Variants in SORCS2 observed in about 807,000 individuals in gnomAD.
SORCS2 encodes the protein sortilin related VPS10 domain containing receptor 2.
Under a neutral mutation model 141.6 loss-of-function variants are expected in SORCS2, and 100 were observed. That is an observed-to-expected ratio of 0.71 (90% CI 0.60 to 0.83). The LOEUF (loss-of-function observed/expected upper bound fraction) is 0.83. SORCS2 is among the 40% of genes least tolerant of loss of function. The probability of loss-of-function intolerance (pLI) is 0.00; values close to 1 mark genes in which losing one functional copy is unlikely to be tolerated. For missense variants in SORCS2, 1,646 were observed against 1,560.2 expected (o/e 1.05, Z -0.93); for synonymous variants, 789 against 676.9 (o/e 1.17, Z -2.57).
intron 3 of SORCS2, among the ~76,000 whole-genome samples, chr4:7,543,333 A>G (rs1004154414): frequency 6.6e-6 from 1 of 152,130 alleles, no homozygotes; most frequent in Admixed American, 6.5e-5. Context: ...TCATTCATTC[A>G]TCTATCCACT....
At chr4:7,381,037 G>A (rs912204259) in intron 1 of SORCS2, among the ~76,000 whole-genome samples, 117 of 142,442 alleles carry the variant, frequency 8.2e-4, no homozygotes, top group African/African-American at 3.0e-3. Context: ...AGCTGAGATT[G>A]CGCCACTGCA....
chr4:7,217,702 G>C (rs530477254), intron 1 of SORCS2, among the ~76,000 whole-genome samples: 3 of 152,310 alleles, frequency 2.0e-5, no homozygotes, highest in African/African-American at 7.2e-5. Flanking sequence ...TTATGTAGCT[G>C]TGTGTGGGGG....
At chr4:7,439,692 T>G (rs1401599065) in intron 2 of SORCS2, among the ~76,000 whole-genome samples, 1 of 152,216 alleles carries the variant, frequency 6.6e-6, no homozygotes, top group Non-Finnish European at 1.5e-5. Context: ...CGCTTGATGT[T>G]ATGAGATCCA....
intron 2 of SORCS2, chr4:7,434,423 G>A: frequency 6.2e-7 from 1 of 1,608,866 alleles, no homozygotes; most frequent in Non-Finnish European, 8.5e-7. Context: ...TCTTTGGAGA[G>A]TGGCCTCAGG....
chr4:7,688,669 G>C (rs1329367349), intron 10 of SORCS2, among the ~76,000 whole-genome samples: 2 of 152,234 alleles, frequency 1.3e-5, no homozygotes, highest in African/African-American at 4.8e-5. Context: ...ACCAGCCTGA[G>C]GATTGCGCTG....
At chr4:7,551,132 G>A (rs1489347625) in intron 3 of SORCS2, among the ~76,000 whole-genome samples, 2 of 152,242 alleles carry the variant, frequency 1.3e-5, no homozygotes, top group Non-Finnish European at 2.9e-5. Context: ...GGCAAAATAT[G>A]CTGGAGCTGT....
At chr4:7,196,791 T>G (rs1577263985) in intron 1 of SORCS2, among the ~76,000 whole-genome samples, 1 of 152,230 alleles carries the variant, frequency 6.6e-6, no homozygotes, top group African/African-American at 2.4e-5. Flanking sequence ...GATATTTGTG[T>G]ATATTTTATA....
chr4:7,199,365 G>T (rs1329586388), intron 1 of SORCS2, among the ~76,000 whole-genome samples: 21 of 152,180 alleles, frequency 1.4e-4, no homozygotes, highest in Non-Finnish European at 2.9e-5. Context: ...CCTGGGGAGG[G>T]GGTCACATGG....
intron 1 of SORCS2, among the ~76,000 whole-genome samples, chr4:7,379,176 G>A (rs574998213): frequency 3.9e-5 from 6 of 152,170 alleles, no homozygotes; most frequent in Non-Finnish European, 7.3e-5. Context: ...CCAGCTCTCC[G>A]TGTGGGCCTG....
intron 3 of SORCS2, among the ~76,000 whole-genome samples, chr4:7,622,928 C>T (rs953959688): frequency 2.6e-5 from 4 of 152,222 alleles, no homozygotes; most frequent in African/African-American, 9.6e-5. Flanking sequence ...GCTCATGATG[C>T]GTCTGCTCTG....
chr4:7,393,429 G>C (rs542035110), intron 1 of SORCS2, among the ~76,000 whole-genome samples: 1 of 152,306 alleles, frequency 6.6e-6, no homozygotes, highest in East Asian at 1.9e-4. Context: ...CGTAAGTGTT[G>C]GTTCTTTGAA....
Position 7,269,035 on chromosome 4 carries a change from G to C in SORCS2, c.480+75909G>C, listed in dbSNP as rs73799438. On this transcript the variant is annotated intron_variant, in intron 1 of 26. Coordinates refer to ENST00000507866, the MANE Select transcript of SORCS2 (RefSeq NM_020777.3). ...ATGGGCTGGGGCCTGGTGGTTGGCAGAGCGGGGGTTGAGGTTGACGGGAGT... is the reference window on the plus strand; with the variant it reads ...ATGGGCTGGGGCCTGGTGGTTGGCACAGCGGGGGTTGAGGTTGACGGGAGT... Among the ~76,000 whole-genome samples the C allele has an allele frequency of 5.3e-3, 805 of 152,340 alleles. 3 individuals carry two copies. Among genetic ancestry groups the C allele is most frequent in the African/African-American group, 0.018 (769 of 41,584 alleles).
At chr4:7,527,331 G>A (rs766089308) in intron 2 of SORCS2, among the ~76,000 whole-genome samples, 5 of 152,244 alleles carry the variant, frequency 3.3e-5, no homozygotes, top group Non-Finnish European at 7.3e-5. Context: ...AAGGATCTTG[G>A]GATTATCCTG....
intron 8 of SORCS2, among the ~76,000 whole-genome samples, chr4:7,669,728 A>G (rs1312297923): frequency 6.6e-6 from 1 of 152,046 alleles, no homozygotes; most frequent in Non-Finnish European, 1.5e-5. Flanking sequence ...CACCTCATCC[A>G]CCCAATGTCT....
chr4:7,271,442 GC>G (rs957546390), intron 1 of SORCS2, among the ~76,000 whole-genome samples: 1 of 152,128 alleles, frequency 6.6e-6, no homozygotes, highest in African/African-American at 2.4e-5. Flanking sequence ...GTCTGCTGTT[GC>G]CCTTGCCTGG....
In SORCS2 at chr4:7,286,828, C is replaced by T. The variant is rs967351013; in HGVS notation, c.480+93702C>T. On this transcript the variant is annotated intron_variant, in intron 1 of 26. Transcript: ENST00000507866. This position sits in a 1 kb window ranked among gnomAD's most constrained non-coding sequence, Gnocchi z 4.1. ...CCCAGACCGTGGAACCTGGGTGCTG[C>T]TTTTCAGGGTACAGGAGCTATGGAA... Among the ~76,000 whole-genome samples the T allele has an allele frequency of 6.6e-6, 1 of 152,194 alleles. No individual in the cohort carries two copies. Among genetic ancestry groups the T allele is most frequent in the African/African-American group, 2.4e-5 (1 of 41,446 alleles).
chr4:7,496,471 C>CGTCCCCCATCCCCT (rs1362772124), intron 2 of SORCS2, among the ~76,000 whole-genome samples: 1 of 144,306 alleles, frequency 6.9e-6, no homozygotes, highest in Non-Finnish European at 1.5e-5. Flanking sequence ...CCCCGTCCCC[C>CGTCCCCCATCCCCT]GTCCCCCATC....
At chr4:7,351,825 C>T (rs1003680668) in intron 1 of SORCS2, among the ~76,000 whole-genome samples, 10 of 151,982 alleles carry the variant, frequency 6.6e-5, no homozygotes, top group African/African-American at 2.4e-4. Context: ...CATCCATCAT[C>T]TACCCATTCA....
At chr4:7,353,864 C>T (rs1005316740) in intron 1 of SORCS2, among the ~76,000 whole-genome samples, 8 of 152,116 alleles carry the variant, frequency 5.3e-5, no homozygotes, top group East Asian at 1.9e-4. Context: ...AGCTCAGCAC[C>T]GGTGAAGGTC....
Sources: allele counts gnomAD v4.1 joint callset (sites outside exome capture counted in the v4.1 genomes callset), GRCh38; gene constraint gnomAD v4.1.1; non-coding constraint Gnocchi (gnomAD v3.1); transcripts MANE v1.5; gene names NCBI Gene and HGNC (gene_info 2026-07-23, HGNC 2026-07-21).